NEK11: variants seen among roughly 807,000 people sequenced by gnomAD.
The protein encoded by NEK11 is serine/threonine-protein kinase Nek11.
In NEK11, 72 loss-of-function variants were observed where a neutral mutation model predicts 80.7. The ratio of observed to expected loss-of-function variants is 0.89; its 90% CI spans 0.74 to 1.08. NEK11 has a LOEUF of 1.08. Among genes scored for constraint, NEK11 ranks in the 50% least tolerant of loss-of-function variants. The pLI, the probability that NEK11 is intolerant of heterozygous loss-of-function variation, is 0.00. For synonymous variants in NEK11, 251 were observed against 260.7 expected, an observed-to-expected ratio of 0.96 and a Z score of 0.36; for missense variants, 764 against 763.6, an observed-to-expected ratio of 1.00 and a Z score of -0.01.
intron 10 of NEK11, among the ~76,000 whole-genome samples, chr3:131,156,442 G>T (rs2090653527): frequency 6.6e-6 from 1 of 152,168 alleles, no homozygotes; most frequent in Admixed American, 6.5e-5. Flanking sequence ...TTGAGAATGT[G>T]GTTGGAGTTC....
chr3:131,245,521 A>G (rs1325223626), intron 16 of NEK11, among the ~76,000 whole-genome samples: 2 of 152,118 alleles, frequency 1.3e-5, no homozygotes, highest in Non-Finnish European at 2.9e-5. Context: ...TCTCCATACT[A>G]TTTTTCATAC....
In NEK11 at chr3:131,244,739, T is replaced by A. The variant is rs191113699; in HGVS notation, c.1621+1243T>A. Among the ~76,000 whole-genome samples the A allele has an allele frequency of 9.2e-5, 14 of 152,100 alleles. 1 individual carries two copies. Among genetic ancestry groups the A allele is most frequent in the African/African-American group, 2.6e-4 (11 of 41,520 alleles). ...GAGTTTGAGACCAGTCTGGGCAACATAGCAAGACCCCGTCTCTAACCAAAT... is the reference window on the plus strand; with the variant it reads ...GAGTTTGAGACCAGTCTGGGCAACAAAGCAAGACCCCGTCTCTAACCAAAT... On this transcript the variant is annotated intron_variant, in intron 16 of 17. Transcript: ENST00000383366.
intron 14 of NEK11, among the ~76,000 whole-genome samples, chr3:131,221,062 G>A (rs545249903): frequency 2.6e-5 from 4 of 152,212 alleles, no homozygotes; most frequent in African/African-American, 9.6e-5. Context: ...CTCTCCCAAA[G>A]GATTAGTTAA....
chr3:131,209,015 G>A (rs1031411213), intron 14 of NEK11, among the ~76,000 whole-genome samples: 1 of 152,174 alleles, frequency 6.6e-6, no homozygotes, highest in African/African-American at 2.4e-5. Flanking sequence ...AATAGGAGTG[G>A]TGAGAGAAGG....
intron 14 of NEK11, among the ~76,000 whole-genome samples, chr3:131,189,207 CCT>C: frequency 6.6e-6 from 1 of 152,230 alleles, no homozygotes; most frequent in East Asian, 1.9e-4. Flanking sequence ...GGACTTCTGA[CCT>C]CCAGAATTGT....
At chr3:131,046,563 T>G (rs375213915) in intron 3 of NEK11, among the ~76,000 whole-genome samples, 3 of 150,830 alleles carry the variant, frequency 2.0e-5, no homozygotes, top group African/African-American at 7.3e-5. Flanking sequence ...GTATCTGGTT[T>G]CCAATAAAGT....
At chr3:131,035,156 C>T (rs2065459322) in intron 3 of NEK11, among the ~76,000 whole-genome samples, 1 of 152,086 alleles carries the variant, frequency 6.6e-6, no homozygotes, top group African/African-American at 2.4e-5. Context: ...AAGAAATGGC[C>T]CTCAAGTCCA....
At chr3:131,243,804 C>T (rs1486130700) in intron 16 of NEK11, among the ~76,000 whole-genome samples, 1 of 152,018 alleles carries the variant, frequency 6.6e-6, no homozygotes, top group Non-Finnish European at 1.5e-5. Context: ...AAGGAACCTC[C>T]CTACCTAACT....
chr3:131,151,606 A>G (rs1359306244), intron 7 of NEK11, among the ~76,000 whole-genome samples: 1 of 152,088 alleles, frequency 6.6e-6, no homozygotes, highest in Non-Finnish European at 1.5e-5. Context: ...GGACAGTTAC[A>G]TAATTCATAA....
chr3:131,137,880 G>T (rs796549036), intron 7 of NEK11, among the ~76,000 whole-genome samples: 6 of 152,180 alleles, frequency 3.9e-5, no homozygotes, highest in African/African-American at 1.4e-4. Context: ...TAATTCTTGT[G>T]GGTACACAGT....
intron 16 of NEK11, among the ~76,000 whole-genome samples, chr3:131,255,096 G>GAAAT (rs1192142223): frequency 6.1e-5 from 9 of 148,530 alleles, no homozygotes; most frequent in African/African-American, 2.3e-4. Context: ...AAGAAAGAAA[G>GAAAT]AAAGAAAGAA....
At chr3:131,215,447 AAAG>A (rs1467526445) in intron 14 of NEK11, among the ~76,000 whole-genome samples, 1 of 152,138 alleles carries the variant, frequency 6.6e-6, no homozygotes, top group Non-Finnish European at 1.5e-5. Context: ...AAAAAAAAGA[AAAG>A]AAAGATATTG....
intron 14 of NEK11, chr3:131,175,227 C>A (rs1234837139): frequency 1.8e-6 from 1 of 556,188 alleles, no homozygotes; most frequent in Non-Finnish European, 2.3e-6. Flanking sequence ...GAAAGAAAAC[C>A]TTTACTCACT....
At chr3:131,201,452 G>T (rs916155079) in intron 14 of NEK11, among the ~76,000 whole-genome samples, 11 of 152,064 alleles carry the variant, frequency 7.2e-5, no homozygotes, top group Non-Finnish European at 1.3e-4. Flanking sequence ...TGTTTGGGAG[G>T]TATCATTTTA....
intron 17 of NEK11, among the ~76,000 whole-genome samples, chr3:131,285,592 C>G (rs1300602984): frequency 6.6e-6 from 1 of 152,222 alleles, no homozygotes; most frequent in Admixed American, 6.5e-5. Flanking sequence ...TCATCCCCAG[C>G]TCCATTTCAG....
chr3:131,216,558 G>A (rs940615670), intron 14 of NEK11, among the ~76,000 whole-genome samples: 4 of 151,980 alleles, frequency 2.6e-5, no homozygotes, highest in Admixed American at 6.6e-5. Context: ...GAATATGAGT[G>A]TGTTTATTTC....
chr3:131,306,231 T>C (rs2096722138), intron 17 of NEK11, among the ~76,000 whole-genome samples: 1 of 152,244 alleles, frequency 6.6e-6, no homozygotes, highest in South Asian at 2.1e-4. Context: ...TCTGGTACTT[T>C]GTCTCTTCAA....
intron 3 of NEK11, among the ~76,000 whole-genome samples, chr3:131,040,169 CTTT>C (rs1231398060): frequency 6.6e-6 from 1 of 152,024 alleles, no homozygotes; most frequent in African/African-American, 2.4e-5. Context: ...AACGAGAACA[CTTT>C]TTATTTCTCA....
intron 17 of NEK11, among the ~76,000 whole-genome samples, chr3:131,296,647 G>A (rs997458977): frequency 6.6e-6 from 1 of 151,916 alleles, no homozygotes; most frequent in South Asian, 2.1e-4. Context: ...TTACTTGCAT[G>A]ATTTATTTTA....
Sources: gnomAD v4.1 joint callset for allele counts (sites outside exome capture counted in the v4.1 genomes callset) on GRCh38, gnomAD v4.1.1 for gene constraint, MANE v1.5 for transcripts, NCBI Gene and HGNC (gene_info 2026-07-23, HGNC 2026-07-21) for gene names.